The following DOK6 variants were observed in gnomAD, a reference collection of about 807,000 sequenced individuals.
DOK6 encodes the protein docking protein 6, also known as downstream of tyrosine kinase 6.
Under a neutral mutation model 44.0 loss-of-function variants are expected in DOK6, and 22 were observed. That is an observed-to-expected ratio of 0.50 (90% CI 0.36 to 0.71). DOK6 has a LOEUF of 0.71. Ranked by LOEUF, DOK6 falls within the 30% of genes least tolerant of loss-of-function variation. DOK6 has a pLI of 0.00. For synonymous variants in DOK6, 166 were observed against 145.5 expected (o/e 1.14, Z -1.01); for missense variants, 340 against 416.4 (o/e 0.82, Z 1.60).
intron 1 of DOK6, among the ~76,000 whole-genome samples, chr18:69,521,506 T>A (rs929786093): frequency 3.3e-5 from 5 of 150,674 alleles, no homozygotes; most frequent in Non-Finnish European, 5.9e-5. Context: ...TATGAAAGGA[T>A]AGTTCAGTTT....
chr18:69,819,011 T>C (rs1267877006), intron 7 of DOK6, among the ~76,000 whole-genome samples: 1 of 152,206 alleles, frequency 6.6e-6, no homozygotes, highest in Non-Finnish European at 1.5e-5. Context: ...TTTACATACA[T>C]ATAAAGGAGT....
intron 1 of DOK6, among the ~76,000 whole-genome samples, chr18:69,553,101 C>A (rs1982604670): frequency 6.6e-6 from 1 of 152,310 alleles, no homozygotes; most frequent in African/African-American, 2.4e-5. Flanking sequence ...TTTAAAATAT[C>A]AATTTCTTCA....
intron 4 of DOK6, among the ~76,000 whole-genome samples, chr18:69,693,952 G>A (rs1195180889): frequency 2.7e-5 from 4 of 150,578 alleles, no homozygotes; most frequent in South Asian, 2.1e-4. Flanking sequence ...CCAGCTACTC[G>A]GGAGGCTGAG....
intron 6 of DOK6, among the ~76,000 whole-genome samples, chr18:69,748,652 AAAC>A (rs2144746328): frequency 6.6e-6 from 1 of 152,348 alleles, no homozygotes; most frequent in East Asian, 1.9e-4. Context: ...GGCAGAAATC[AAAC>A]AACAGATGCT....
At chr18:69,401,357 C>G in intron 1 of DOK6, 47 bp downstream of exon 1, 11 of 1,421,298 alleles carry the variant, frequency 7.7e-6, no homozygotes, top group South Asian at 1.5e-5. Context: ...TCGTTCGGCC[C>G]GGCTGGCTGC....
At chr18:69,673,484 T>G (rs926288643) in intron 3 of DOK6, among the ~76,000 whole-genome samples, 2 of 152,148 alleles carry the variant, frequency 1.3e-5, no homozygotes, top group African/African-American at 2.4e-5. Flanking sequence ...CACCATACTT[T>G]CCCCAGAATT....
intron 4 of DOK6, among the ~76,000 whole-genome samples, chr18:69,695,636 G>A (rs554670356): frequency 3.9e-5 from 6 of 152,230 alleles, no homozygotes; most frequent in East Asian, 1.9e-4. Flanking sequence ...AACGGAATTC[G>A]GTTAAGTATA....
At chr18:69,597,137 T>C in intron 2 of DOK6, among the ~76,000 whole-genome samples, 1 of 152,226 alleles carries the variant, frequency 6.6e-6, no homozygotes, top group East Asian at 1.9e-4. Context: ...ATGCAATATG[T>C]ATAAAAATAA....
At chr18:69,485,163 T>C (rs1162632107) in intron 1 of DOK6, among the ~76,000 whole-genome samples, 1 of 152,220 alleles carries the variant, frequency 6.6e-6, no homozygotes, top group South Asian at 2.1e-4. Flanking sequence ...GTTTGGGATT[T>C]GTGGAATCAA....
chr18:69,817,500 G>A (rs979762015), intron 7 of DOK6, among the ~76,000 whole-genome samples: 5 of 152,118 alleles, frequency 3.3e-5, no homozygotes, highest in Middle Eastern at 3.4e-3. Context: ...GGCTCTCTTC[G>A]TGGCTTGCAG....
At chr18:69,506,863 CT>C (rs1159122102) in intron 1 of DOK6, among the ~76,000 whole-genome samples, 26 of 148,258 alleles carry the variant, frequency 1.8e-4, no homozygotes, top group Non-Finnish European at 3.4e-4. Context: ...TGCTTCACAC[CT>C]TGTTGAAAAT....
At chr18:69,638,482 C>G (rs1276570964) in intron 3 of DOK6, among the ~76,000 whole-genome samples, 1 of 49,496 alleles carries the variant, frequency 2.0e-5, no homozygotes, top group African/African-American at 4.5e-5. Context: ...TTTGGGTATA[C>G]TTATTCTTTT....
At chr18:69,685,732 T>C (rs183690003) in intron 4 of DOK6, among the ~76,000 whole-genome samples, 246 of 152,364 alleles carry the variant, frequency 1.6e-3, no homozygotes, top group African/African-American at 5.5e-3. Context: ...CCATTGATTT[T>C]AGGAATTTGC....
intron 1 of DOK6, among the ~76,000 whole-genome samples, chr18:69,454,851 T>A (rs1284415926): frequency 7.1e-6 from 1 of 141,686 alleles, no homozygotes; most frequent in East Asian, 2.1e-4. Context: ...TAGGTGGGAA[T>A]TGAACAATGA....
chr18:69,667,079 C>T (rs758904836), intron 3 of DOK6, among the ~76,000 whole-genome samples: 2 of 152,238 alleles, frequency 1.3e-5, no homozygotes, highest in African/African-American at 2.4e-5. Flanking sequence ...TTAATCTCAA[C>T]GTGCCCTTTA....
chr18:69,621,134 G>A (rs1179812049), intron 3 of DOK6, among the ~76,000 whole-genome samples: 3 of 152,040 alleles, frequency 2.0e-5, no homozygotes, highest in Non-Finnish European at 4.4e-5. Context: ...CCTGAATTTA[G>A]GGTTCCTTTG....
intron 1 of DOK6, among the ~76,000 whole-genome samples, chr18:69,557,858 C>G (rs1034329137): frequency 2.0e-5 from 3 of 152,112 alleles, no homozygotes; most frequent in Non-Finnish European, 4.4e-5. Context: ...GCAATAGGTT[C>G]TGTTGTTAAC....
At chr18:69,516,239 GA>G (rs11345921) in intron 1 of DOK6, among the ~76,000 whole-genome samples, 29,946 of 152,024 alleles carry the variant, frequency 0.2, 3,178 homozygotes, top group African/African-American at 0.24. Flanking sequence ...GAGTTAAGAA[GA>G]TCCTTTTTTA....
chr18:69,779,881 G>A (rs537273382), intron 7 of DOK6, among the ~76,000 whole-genome samples: 217 of 151,840 alleles, frequency 1.4e-3, no homozygotes, highest in Non-Finnish European at 2.6e-3. Flanking sequence ...TCTATCCTGT[G>A]AATAAATATT....
Sources: allele counts gnomAD v4.1 joint callset (sites outside exome capture counted in the v4.1 genomes callset), GRCh38; gene constraint gnomAD v4.1.1; transcripts MANE v1.5; gene names NCBI Gene and HGNC (gene_info 2026-07-23, HGNC 2026-07-21).